CTNNA2: variants seen among roughly 807,000 people sequenced by gnomAD.
CTNNA2 encodes catenin alpha-2.
CTNNA2 carries 42 observed loss-of-function variants against 101.0 expected under a neutral mutation model. That is an observed-to-expected ratio of 0.42 (90% CI 0.32 to 0.54). The LOEUF (loss-of-function observed/expected upper bound fraction) is 0.54, where lower values mean the gene tolerates loss of function less well. Ranked by LOEUF, CTNNA2 falls within the 20% of genes least tolerant of loss-of-function variation. The pLI is 0.14. For missense variants in CTNNA2, 871 were observed against 1,223.1 expected (o/e 0.71, Z 4.29); for synonymous variants, 450 against 456.4 (o/e 0.99, Z 0.18).
chr2:79,594,802 T>C (rs1677083246), intron 1 of CTNNA2, among the ~76,000 whole-genome samples: 1 of 152,186 alleles, frequency 6.6e-6, no homozygotes, highest in South Asian at 2.1e-4. Flanking sequence ...CCCACAAGCA[T>C]ACTAAAATTT....
chr2:80,107,989 C>T (rs1020552885), intron 7 of CTNNA2, among the ~76,000 whole-genome samples: 5 of 152,174 alleles, frequency 3.3e-5, no homozygotes, highest in Admixed American at 2.6e-4. Flanking sequence ...AACTCCTGCA[C>T]TGCTTTCACC....
chr2:80,390,255 C>T (rs1677384210), intron 7 of CTNNA2, among the ~76,000 whole-genome samples: 1 of 152,218 alleles, frequency 6.6e-6, no homozygotes, highest in Non-Finnish European at 1.5e-5. Flanking sequence ...TCTCCCTCTT[C>T]TGAGCAACTC....
At chr2:80,639,366 C>T (rs536003453) in intron 18 of CTNNA2, among the ~76,000 whole-genome samples, 16 of 152,196 alleles carry the variant, frequency 1.1e-4, no homozygotes, top group East Asian at 1.9e-4. Context: ...CCTGCCACCA[C>T]GCCAGGCTAA....
At chr2:79,988,732 T>C (rs1001958583) in intron 7 of CTNNA2, among the ~76,000 whole-genome samples, 2 of 152,172 alleles carry the variant, frequency 1.3e-5, no homozygotes, top group Non-Finnish European at 2.9e-5. Flanking sequence ...CTATATGTAA[T>C]TGGCCTGCTT....
intron 3 of CTNNA2, among the ~76,000 whole-genome samples, chr2:79,336,520 T>A (rs1008126992): frequency 6.6e-6 from 1 of 152,218 alleles, no homozygotes; most frequent in Non-Finnish European, 1.5e-5. Context: ...GGAGAGGTTC[T>A]GCTGAGGCCA....
At chr2:80,409,223 G>A (rs906129143) in intron 8 of CTNNA2, among the ~76,000 whole-genome samples, 7 of 139,892 alleles carry the variant, frequency 5.0e-5, no homozygotes, top group African/African-American at 9.4e-5. Context: ...TCTGGGCTAA[G>A]TTAGACATTG....
chr2:79,608,908 A>G (rs984499995), intron 1 of CTNNA2, among the ~76,000 whole-genome samples: 1 of 152,006 alleles, frequency 6.6e-6, no homozygotes, highest in African/African-American at 2.4e-5. Flanking sequence ...CTTAGCCAGT[A>G]TAATTAGGGA....
At chr2:79,577,616 CTAAGTAT>C (rs1675880888) in intron 1 of CTNNA2, among the ~76,000 whole-genome samples, 1 of 151,876 alleles carries the variant, frequency 6.6e-6, no homozygotes, top group Admixed American at 6.6e-5. Context: ...TGTAGATAGT[CTAAGTAT>C]TATCTTAAAA....
chr2:80,647,969 C>A lies in CTNNA2; in HGVS notation c.*97C>A. 2 of 1,183,218 alleles carry A rather than the reference C, an allele frequency of 1.7e-6. No homozygotes were observed. The highest frequency in any genetic ancestry group is 2.4e-6 in the Non-Finnish European group (2 of 850,926). The allele number at this position is 1,183,218 out of a possible 1,614,324, so 73.3% of individuals were successfully genotyped here. A position where few individuals can be genotyped will look rare whatever the true frequency, so the allele number is the denominator to read the frequency against. On this transcript the variant is annotated 3_prime_UTR_variant, in exon 19 of 19. Coordinates refer to ENST00000402739, the MANE Select transcript of CTNNA2 (RefSeq NM_001282597.3). ...TATGCATACCTGCCAGCTCGTATGC[C>A]TCTGGCATGGGGAAATTAAGGGAAC... is the stretch of plus-strand genomic sequence containing the variant.
chr2:79,245,230 C>T (rs973663527), intron 2 of CTNNA2, among the ~76,000 whole-genome samples: 3 of 152,158 alleles, frequency 2.0e-5, no homozygotes, highest in African/African-American at 4.8e-5. Context: ...GCGGGCAGAT[C>T]ACCTGAGGTC....
At chr2:80,531,179 A>G (rs776059793) in intron 9 of CTNNA2, among the ~76,000 whole-genome samples, 24 of 152,158 alleles carry the variant, frequency 1.6e-4, no homozygotes, top group Non-Finnish European at 3.4e-4. Context: ...CCCCTACCCC[A>G]TATTCCCATT....
chr2:79,392,142 A>G (rs1374090827), intron 4 of CTNNA2, among the ~76,000 whole-genome samples: 2 of 152,200 alleles, frequency 1.3e-5, no homozygotes, highest in Non-Finnish European at 2.9e-5. Flanking sequence ...TCAATCCATA[A>G]CAGTGTCTTT....
intron 2 of CTNNA2, among the ~76,000 whole-genome samples, chr2:79,307,943 A>T (rs1676284006): frequency 6.6e-6 from 1 of 152,068 alleles, no homozygotes; most frequent in Non-Finnish European, 1.5e-5. Flanking sequence ...TGTGATTTTC[A>T]TTTTCATTTC....
intron 3 of CTNNA2, among the ~76,000 whole-genome samples, chr2:79,329,166 A>G (rs980859009): frequency 6.6e-6 from 1 of 152,168 alleles, no homozygotes. Context: ...GAAGGACACT[A>G]TTCAGCCCAG....
intron 8 of CTNNA2, among the ~76,000 whole-genome samples, chr2:80,400,207 A>T (rs1174075687): frequency 6.6e-6 from 1 of 152,150 alleles, no homozygotes. Flanking sequence ...TGCTGAGGTT[A>T]CCTTTTATTA....
intron 5 of CTNNA2, 151 bp downstream of exon 5, chr2:79,870,086 C>A: frequency 1.0e-6 from 1 of 961,522 alleles, no homozygotes. Flanking sequence ...CTGCAGGGGC[C>A]AGTTGTGATG....
At chr2:79,414,548 G>A (rs535750258) in intron 4 of CTNNA2, among the ~76,000 whole-genome samples, 1 of 152,066 alleles carries the variant, frequency 6.6e-6, no homozygotes, top group East Asian at 1.9e-4. Flanking sequence ...AACTTTTGTT[G>A]TCTAAAAATG....
At chr2:80,266,410 G>A (rs1673005398) in intron 7 of CTNNA2, among the ~76,000 whole-genome samples, 1 of 152,166 alleles carries the variant, frequency 6.6e-6, no homozygotes, top group African/African-American at 2.4e-5. Context: ...GAGTGTGTGG[G>A]GGCTCCCTTC....
intron 1 of CTNNA2, among the ~76,000 whole-genome samples, chr2:79,564,510 T>G (rs1051801246): frequency 2.0e-5 from 3 of 152,110 alleles, no homozygotes; most frequent in African/African-American, 7.2e-5. Context: ...TGAATTTTCT[T>G]TTTAAATGGA....
Sources: gnomAD v4.1 joint callset for allele counts (sites outside exome capture counted in the v4.1 genomes callset) on GRCh38, gnomAD v4.1.1 for gene constraint, MANE v1.5 for transcripts, NCBI Gene and HGNC (gene_info 2026-07-23, HGNC 2026-07-21) for gene names.